Variants in ACAD11 observed in about 807,000 individuals in gnomAD.
ACAD11 encodes acyl-Coenzyme A dehydrogenase family, member 11.
In ACAD11, 83 loss-of-function variants were observed where a neutral mutation model predicts 102.2. That is an observed-to-expected ratio of 0.81 (90% CI 0.68 to 0.97). ACAD11 has a LOEUF of 0.97. Ranked by LOEUF, ACAD11 falls within the 50% of genes least tolerant of loss-of-function variation. ACAD11 has a pLI of 0.00. For synonymous variants in ACAD11, 324 were observed against 319.8 expected, an observed-to-expected ratio of 1.01 and a Z score of -0.14; for missense variants, 901 against 951.7, an observed-to-expected ratio of 0.95 and a Z score of 0.70.
chr3:132,632,060 T>C (rs1276294693), intron 5 of ACAD11, among the ~76,000 whole-genome samples: 1 of 151,744 alleles, frequency 6.6e-6, no homozygotes, highest in African/African-American at 2.4e-5. Context: ...TGTAACAGTA[T>C]GTATCAAGGG....
intron 11 of ACAD11, among the ~76,000 whole-genome samples, chr3:132,610,940 A>G (rs1297883189): frequency 1.3e-5 from 2 of 152,192 alleles, no homozygotes; most frequent in Non-Finnish European, 2.9e-5. Context: ...TTTTAGACCA[A>G]TATCCTTGAT....
intron 13 of ACAD11, among the ~76,000 whole-genome samples, chr3:132,582,194 G>A (rs891873509): frequency 6.6e-6 from 1 of 151,868 alleles, no homozygotes; most frequent in Non-Finnish European, 1.5e-5. Flanking sequence ...AAAGAGCAGA[G>A]AGAGTTATGA....
chr3:132,614,927 C>G (rs892934056), intron 11 of ACAD11, among the ~76,000 whole-genome samples: 3 of 152,176 alleles, frequency 2.0e-5, no homozygotes, highest in Admixed American at 6.5e-5. Flanking sequence ...CTTCATCCAT[C>G]TGACAAAGGG....
At chr3:132,654,030 A>C (rs914077430) in intron 1 of ACAD11, among the ~76,000 whole-genome samples, 1 of 152,176 alleles carries the variant, frequency 6.6e-6, no homozygotes, top group African/African-American at 2.4e-5. Flanking sequence ...CTTGAAACTT[A>C]ACACTCCAAA....
Position 132,558,798 on chromosome 3 carries a change from AC to A in ACAD11, c.*172del, listed in dbSNP as rs1281920834. 2 of 567,960 alleles carry A rather than the reference AC, an allele frequency of 3.5e-6. No individual in the cohort carries two copies. The highest frequency in any genetic ancestry group is 6.1e-5 in the East Asian group (2 of 32,668). The allele number at this position is 567,960 out of a possible 1,614,324, so 35.2% of individuals were successfully genotyped here. On this transcript the variant is annotated 3_prime_UTR_variant, in exon 20 of 20. Coordinates refer to ENST00000264990, the MANE Select transcript of ACAD11 (RefSeq NM_032169.5). ...TTCTTACTGAACTTAACCCTGTGTG[AC>A]CCTTGAAATAATAAAACCCACTGAT...
chr3:132,635,682 T>C (rs926420332), intron 5 of ACAD11, among the ~76,000 whole-genome samples: 14 of 152,194 alleles, frequency 9.2e-5, no homozygotes, highest in African/African-American at 2.7e-4. Context: ...TATGAGTTTC[T>C]AGCAAAGAAC....
At chr3:132,652,053 G>A (rs547999481) in intron 1 of ACAD11, among the ~76,000 whole-genome samples, 1 of 152,134 alleles carries the variant, frequency 6.6e-6, no homozygotes, top group Non-Finnish European at 1.5e-5. Context: ...GTCAGGGGTG[G>A]AATGATATGG....
intron 11 of ACAD11, among the ~76,000 whole-genome samples, chr3:132,608,726 A>G (rs1441927142): frequency 6.6e-6 from 1 of 152,210 alleles, no homozygotes; most frequent in South Asian, 2.1e-4. Flanking sequence ...AATATCAGAC[A>G]GGTCGACGAG....
At chr3:132,592,115 T>C (rs116107229) in intron 13 of ACAD11, among the ~76,000 whole-genome samples, 2,074 of 152,224 alleles carry the variant, frequency 0.014, 58 homozygotes, top group African/African-American at 0.048. Flanking sequence ...GGTGAATACA[T>C]AGTTTGTAGA....
rs534682848 is a variant in ACAD11, at chr3:132,653,816, A to T, written c.149+5787T>A. Among the ~76,000 whole-genome samples, 12 of 152,216 alleles carry T rather than the reference A, an allele frequency of 7.9e-5. 1 individual carries two copies. The South Asian group carries it at 2.5e-3, about 32-fold the overall frequency. On this transcript the variant is annotated intron_variant, in intron 1 of 19. Transcript: ENST00000264990. ...GTTTCTCTTAATTTGCTAACTTCTT[A>T]ATATTGGGGTGCCTTGGACTCAGTC...
chr3:132,581,525 G>C (rs1223490700), intron 13 of ACAD11, among the ~76,000 whole-genome samples: 1 of 151,858 alleles, frequency 6.6e-6, no homozygotes, highest in African/African-American at 2.4e-5. Flanking sequence ...CTTCAAGAGA[G>C]AAGTCTCCAG....
chr3:132,607,460 G>A (rs1001268706), intron 11 of ACAD11, among the ~76,000 whole-genome samples: 3 of 152,116 alleles, frequency 2.0e-5, no homozygotes, highest in Non-Finnish European at 2.9e-5. Flanking sequence ...AACACAGCAC[G>A]AGAACTTCGT....
chr3:132,562,892 C>T (rs563327278), intron 17 of ACAD11, among the ~76,000 whole-genome samples: 48 of 152,278 alleles, frequency 3.2e-4, no homozygotes, highest in African/African-American at 1.1e-3. Flanking sequence ...TGTTTAGGAA[C>T]ATTTTACCTA....
At chr3:132,603,150 G>T in intron 13 of ACAD11, 79 bp downstream of exon 13, 1 of 1,183,254 alleles carries the variant, frequency 8.5e-7, no homozygotes, top group Non-Finnish European at 1.3e-6. Flanking sequence ...TGATCACTAT[G>T]TATCATAGCA....
intron 11 of ACAD11, among the ~76,000 whole-genome samples, chr3:132,609,769 C>G (rs1939033878): frequency 6.6e-6 from 1 of 152,310 alleles, no homozygotes; most frequent in East Asian, 1.9e-4. Flanking sequence ...TCCTTCCTAA[C>G]TCGTTTTATG....
chr3:132,558,780 T>G lies in ACAD11; in HGVS notation c.*191A>C. The stretch of plus-strand genomic sequence containing the variant: ...TGACAACAGCTACAGCATTTCTTAC[T>G]GAACTTAACCCTGTGTGACCCTTGA... On this transcript the variant is annotated 3_prime_UTR_variant, in exon 20 of 20. Coordinates refer to ENST00000264990, the MANE Select transcript of ACAD11 (RefSeq NM_032169.5). 1.9e-6 allele frequency: 1 copy of G among 530,340 alleles called. No individual in the cohort carries two copies. 32.9% of individuals were successfully genotyped at this position (530,340 alleles called of 1,614,324 possible).
intron 10 of ACAD11, 104 bp downstream of exon 10, chr3:132,619,364 T>C (rs1285385375): frequency 3.1e-6 from 2 of 647,588 alleles, no homozygotes; most frequent in East Asian, 3.0e-5. Context: ...TTATTATTGA[T>C]ATAATTTTCT....
At chr3:132,598,219 T>A (rs987948029) in intron 13 of ACAD11, among the ~76,000 whole-genome samples, 1 of 152,190 alleles carries the variant, frequency 6.6e-6, no homozygotes. Flanking sequence ...TTCAGCACTA[T>A]AATAAAAACA....
chr3:132,578,683 A>T, intron 15 of ACAD11, 113 bp downstream of exon 15: 14 of 1,213,492 alleles, frequency 1.2e-5, no homozygotes, highest in Non-Finnish European at 1.6e-5. Flanking sequence ...TGTCACAGAC[A>T]AAGGAATATC....
Sources: allele counts gnomAD v4.1 joint callset (sites outside exome capture counted in the v4.1 genomes callset), GRCh38; gene constraint gnomAD v4.1.1; transcripts MANE v1.5; gene names NCBI Gene and HGNC (gene_info 2026-07-23, HGNC 2026-07-21).